PFDN1: variants seen among roughly 807,000 people sequenced by gnomAD.
The protein encoded by PFDN1 is prefoldin 1.
In PFDN1, 6 loss-of-function variants were observed where a neutral mutation model predicts 17.3. The observed-to-expected ratio is 0.35, with a 90% CI of 0.19 to 0.69. The LOEUF (loss-of-function observed/expected upper bound fraction) is 0.69, where lower values mean the gene tolerates loss of function less well. PFDN1 is among the 30% of genes least tolerant of loss of function. PFDN1 has a pLI of 0.65. For synonymous variants in PFDN1, 58 were observed against 50.1 expected (o/e 1.16, Z -0.67); for missense variants, 113 against 146.2 (o/e 0.77, Z 1.17).
At chr5:140,258,440 TAAAAA>T (rs562501324) in intron 3 of PFDN1, among the ~76,000 whole-genome samples, 10 of 120,950 alleles carry the variant, frequency 8.3e-5, no homozygotes, top group Non-Finnish European at 8.6e-5. Context: ...GCTGTACTGT[TAAAAA>T]AAAAAAAAAA....
intron 3 of PFDN1, among the ~76,000 whole-genome samples, chr5:140,249,221 T>G (rs1430891486): frequency 6.6e-6 from 1 of 152,274 alleles, no homozygotes; most frequent in Non-Finnish European, 1.5e-5. Flanking sequence ...AGAGGATCTT[T>G]GCAGATGTAA....
intron 2 of PFDN1, among the ~76,000 whole-genome samples, chr5:140,295,373 T>A (rs768679765): frequency 2.6e-5 from 4 of 152,148 alleles, no homozygotes; most frequent in African/African-American, 4.8e-5. Context: ...TGAAAAAATA[T>A]ATACAAGAAA....
chr5:140,247,693 C>T (rs1327244570), intron 3 of PFDN1, among the ~76,000 whole-genome samples: 1 of 152,190 alleles, frequency 6.6e-6, no homozygotes, highest in Admixed American at 6.5e-5. Context: ...AATCCCAACA[C>T]TTTGGGAGGC....
At chr5:140,250,947 T>A (rs2126678135) in intron 3 of PFDN1, among the ~76,000 whole-genome samples, 1 of 152,336 alleles carries the variant, frequency 6.6e-6, no homozygotes, top group African/African-American at 2.4e-5. Flanking sequence ...CTTTTTATTT[T>A]TTTTTGAAAC....
chr5:140,294,696 A>AT (rs1262405049), intron 2 of PFDN1, among the ~76,000 whole-genome samples: 1 of 151,990 alleles, frequency 6.6e-6, no homozygotes, highest in Non-Finnish European at 1.5e-5. Context: ...AACTATTTAG[A>AT]TTTTTTTTAA....
At position 140,245,274 on chromosome 5, in the gene PFDN1, T is replaced by C. The variant is rs367752486; in HGVS notation, c.*700A>G. The C allele has an allele frequency of 2.1e-5, 12 of 558,518 alleles. No homozygotes were observed. The highest frequency in any genetic ancestry group is 5.6e-5 in the African/African-American group (3 of 53,106). The allele number at this position is 558,518 out of a possible 1,614,324, so 34.6% of individuals were successfully genotyped here. ...CCTCAGGATTATGGCGTCCATCTTA[T>C]GATATTGGCCAAAAGGAGACAGTCT... On this transcript the variant is annotated 3_prime_UTR_variant, in exon 4 of 4. Coordinates refer to ENST00000261813, the MANE Select transcript of PFDN1 (RefSeq NM_002622.5).
rs556703683 is a variant in PFDN1 at position 140,291,002 on chromosome 5, G to T, written c.200+9414C>A. On this transcript the variant is annotated intron_variant, in intron 2 of 3. Coordinates refer to ENST00000261813, the MANE Select transcript of PFDN1 (RefSeq NM_002622.5). ...CTTTTAAATAGGATGGTCATGAAAGGCCTCATTGCCTCTTTAGAAACAACC... is the reference window on the plus strand; with the variant it reads ...CTTTTAAATAGGATGGTCATGAAAGTCCTCATTGCCTCTTTAGAAACAACC... Among the ~76,000 whole-genome samples the T allele has an allele frequency of 2.0e-5, 3 of 152,282 alleles. No homozygotes were observed. In the East Asian group the frequency reaches 5.8e-4, roughly 29 times the overall value.
intron 3 of PFDN1, among the ~76,000 whole-genome samples, chr5:140,248,303 G>A (rs1764861950): frequency 6.6e-6 from 1 of 151,986 alleles, no homozygotes; most frequent in South Asian, 2.1e-4. Context: ...TCCTGACCTC[G>A]TGATCTGCCC....
At chr5:140,248,397 G>C (rs533122894) in intron 3 of PFDN1, among the ~76,000 whole-genome samples, 25 of 152,112 alleles carry the variant, frequency 1.6e-4, no homozygotes, top group Middle Eastern at 3.4e-3. Flanking sequence ...TAACTGTGGT[G>C]AGCTGAAAAA....
intron 3 of PFDN1, among the ~76,000 whole-genome samples, chr5:140,257,397 C>T (rs1031083573): frequency 2.6e-5 from 4 of 152,126 alleles, no homozygotes; most frequent in African/African-American, 4.8e-5. Context: ...TTATTTCTGT[C>T]TTAAGACAGG....
chr5:140,271,851 A>G (rs1360096474), intron 3 of PFDN1, among the ~76,000 whole-genome samples: 1 of 151,890 alleles, frequency 6.6e-6, no homozygotes, highest in Admixed American at 6.6e-5. Context: ...GAAAGAAGTG[A>G]GGCAAAAAAA....
chr5:140,265,423 G>C (rs1350834838), intron 3 of PFDN1, among the ~76,000 whole-genome samples: 1 of 152,134 alleles, frequency 6.6e-6, no homozygotes, highest in Non-Finnish European at 1.5e-5. Flanking sequence ...ACCCAAGCTA[G>C]TTCTATGACT....
chr5:140,282,330 G>GT (rs1430973594), intron 2 of PFDN1, among the ~76,000 whole-genome samples: 1 of 150,116 alleles, frequency 6.7e-6, no homozygotes, highest in African/African-American at 2.4e-5. Flanking sequence ...TATAAGTTTT[G>GT]TTTTTTCAGT....
chr5:140,296,188 T>C (rs896879904), intron 2 of PFDN1, among the ~76,000 whole-genome samples: 1 of 152,192 alleles, frequency 6.6e-6, no homozygotes, highest in African/African-American at 2.4e-5. Flanking sequence ...TATATTAAAA[T>C]AGGATAATAA....
chr5:140,291,362 T>C (rs1157937374), intron 2 of PFDN1, among the ~76,000 whole-genome samples: 1 of 152,054 alleles, frequency 6.6e-6, no homozygotes, highest in East Asian at 1.9e-4. Flanking sequence ...GAATATAAGA[T>C]TGAAAGAGAG....
At chr5:140,271,073 G>C (rs1004601751) in intron 3 of PFDN1, among the ~76,000 whole-genome samples, 3 of 152,122 alleles carry the variant, frequency 2.0e-5, no homozygotes, top group Non-Finnish European at 4.4e-5. Flanking sequence ...CAATGAACAA[G>C]GCATTGACAA....
intron 3 of PFDN1, among the ~76,000 whole-genome samples, chr5:140,256,658 C>CAAAAAAAAAAAAAAACAA (rs1764990394): frequency 2.5e-5 from 1 of 39,890 alleles, no homozygotes; most frequent in African/African-American, 7.1e-5. Context: ...CAAAAAATGA[C>CAAAAAAAAAAAAAAACAA]AAAAAAAAAA....
At chr5:140,291,405 T>G (rs547402022) in intron 2 of PFDN1, among the ~76,000 whole-genome samples, 1 of 152,128 alleles carries the variant, frequency 6.6e-6, no homozygotes, top group Non-Finnish European at 1.5e-5. Flanking sequence ...TTGGAAGAAT[T>G]TGAAGTGTGG....
chr5:140,283,546 G>T (rs61313489), intron 2 of PFDN1, among the ~76,000 whole-genome samples: 2 of 152,024 alleles, frequency 1.3e-5, no homozygotes, highest in Admixed American at 6.6e-5. Flanking sequence ...CCCAACTGAT[G>T]ATCTTAGTCT....
Sources: allele counts gnomAD v4.1 joint callset (sites outside exome capture counted in the v4.1 genomes callset), GRCh38; gene constraint gnomAD v4.1.1; transcripts MANE v1.5; gene names NCBI Gene and HGNC (gene_info 2026-07-23, HGNC 2026-07-21).